Variants in CUBN observed in about 807,000 individuals in gnomAD.
The protein encoded by CUBN is 460 kDa receptor.
CUBN carries 282 observed loss-of-function variants against 405.3 expected under a neutral mutation model. That is an observed-to-expected ratio of 0.70 (90% CI 0.63 to 0.77). The LOEUF (loss-of-function observed/expected upper bound fraction) is 0.77, where lower values mean the gene tolerates loss of function less well. Among genes scored for constraint, CUBN ranks in the 30% least tolerant of loss-of-function variants. The pLI, the probability that CUBN is intolerant of heterozygous loss-of-function variation, is 0.00. For synonymous variants in CUBN, 1,684 were observed against 1,617.0 expected (o/e 1.04, Z -0.99); for missense variants, 4,514 against 4,475.2 (o/e 1.01, Z -0.25).
rs747073348 is a variant in CUBN at position 16,906,350 on chromosome 10, C to T, written c.7765G>A (p.Gly2589Arg). The change falls in exon 50 of 67, where the codon GGA (glycine) becomes AGA (arginine). Residue 2589 changes from glycine to arginine, a missense_variant. Gly to Arg is a moderately radical substitution (Grantham distance 125). Coordinates refer to ENST00000377833, the MANE Select transcript of CUBN (RefSeq NM_001081.4). ...EGNFTSPGYD[G>R]VRNYSRNLNC... ...AGGTTTCTTGAGTAATTCCTGACTC[C>T]GTCATAGCCAGGAGAAGTAAAGTTT... 3.7e-5 allele frequency: 60 copies of T among 1,613,802 alleles called. No homozygotes were observed. Among genetic ancestry groups the T allele is most frequent in the Admixed American group, 6.7e-5 (4 of 59,992 alleles).
In CUBN at chr10:17,099,899, A is replaced by G. The variant is rs1018694234; in HGVS notation, c.1765+106T>C. The stretch of plus-strand genomic sequence containing the variant: ...AAAATAAATTATAAAAATATTATAT[A>G]TCTTCAGATCCCAAAACATCTCATG... On this transcript the variant is annotated intron_variant, in intron 14 of 66. Coordinates refer to ENST00000377833, the MANE Select transcript of CUBN (RefSeq NM_001081.4). 2.1e-5 allele frequency: 13 copies of G among 605,974 alleles called. No homozygotes were observed. The South Asian group carries it at 2.2e-4, about 10-fold the overall frequency. The allele number at this position is 605,974 out of a possible 1,614,324, so 37.5% of individuals were successfully genotyped here.
At chr10:17,129,515 T>G (rs1287555365) in intron 1 of CUBN, 129 bp downstream of exon 1, 3 of 1,237,178 alleles carry the variant, frequency 2.4e-6, no homozygotes, top group East Asian at 4.6e-5. Context: ...GTCTAAATGT[T>G]TTTCCCTGTT....
chr10:16,897,043 TA>T (rs1197905241), intron 54 of CUBN, among the ~76,000 whole-genome samples: 1 of 152,228 alleles, frequency 6.6e-6, no homozygotes, highest in Non-Finnish European at 1.5e-5. Flanking sequence ...TTTTTGCTGA[TA>T]TTTTCTATTT....
At chr10:16,916,099 A>AT in intron 45 of CUBN, 69 bp from the exon 46 acceptor site, 1 of 1,522,848 alleles carries the variant, frequency 6.6e-7, no homozygotes. Flanking sequence ...TCTATTACAA[A>AT]TTTTGTTTTC....
intron 56 of CUBN, among the ~76,000 whole-genome samples, chr10:16,879,915 G>T (rs1438816273): frequency 5.3e-5 from 8 of 152,210 alleles, no homozygotes; most frequent in Non-Finnish European, 8.8e-5. Flanking sequence ...CCACAGGATA[G>T]AAGCCATCTC....
Position 17,088,236 on chromosome 10 carries a change from G to T in CUBN, c.1875C>A (p.Asp625Glu), listed in dbSNP as rs767695434. The T allele has an allele frequency of 7.4e-6, 12 of 1,613,724 alleles. No individual in the cohort carries two copies. The highest frequency in any genetic ancestry group is 1.7e-5 in the Admixed American group (1 of 60,016). The change falls in exon 15 of 67, where the codon GAC becomes GAA. Residue 625 changes from aspartate to glutamate, a missense_variant. By Grantham distance (45) the Asp-to-Glu change is conservative. Around this residue, in one of 5 missense-constraint regions of CUBN, gnomAD observed 1,448 missense variants for 1,388.0 expected, o/e 1.04. Coordinates refer to ENST00000377833, the MANE Select transcript of CUBN (RefSeq NM_001081.4). ...DCVWIVVTSP[D>E]LLVTFTFGTL... ...TCCCAAAAGTAAATGTTACCAGGAGGTCAGGACTAGTTACAACAATCCAGA... is the reference window on the plus strand; with the variant it reads ...TCCCAAAAGTAAATGTTACCAGGAGTTCAGGACTAGTTACAACAATCCAGA...
chr10:16,852,481 C>G (rs556474119), intron 59 of CUBN, among the ~76,000 whole-genome samples: 2 of 151,602 alleles, frequency 1.3e-5, no homozygotes, highest in Non-Finnish European at 2.9e-5. Context: ...CTTTCCCTCC[C>G]TCACTCTATC....
rs143300012 is a variant in CUBN at position 16,831,287 on chromosome 10, C to T, written c.10493G>A (p.Arg3498His). ...RFKSDSVTSDRGYEIIWTSSP... is the reference protein window; with the variant it reads ...RFKSDSVTSDHGYEIIWTSSP... ...TGAAGTCCAGATGATTTCATATCCA[C>T]GATCAGAAGTTACACTATCACTCTT... Residue 3498 changes from arginine to histidine, a missense_variant, in exon 65 of 67, where the codon CGT (arginine) becomes CAT (histidine). Arg to His is a conservative substitution (Grantham distance 29). This residue lies in a region of CUBN where 1,186 missense variants were observed against 1,186.9 expected (regional missense o/e 1.00). Coordinates refer to ENST00000377833, the MANE Select transcript of CUBN (RefSeq NM_001081.4). The T allele has an allele frequency of 1.2e-5, 20 of 1,613,908 alleles. No individual in the cohort carries two copies. The highest frequency in any genetic ancestry group is 2.2e-5 in the East Asian group (1 of 44,884).
rs774967152 is a variant in CUBN at position 17,129,667 on chromosome 10, T to C, written c.99A>G (p.Gln33=). The change falls in exon 1 of 67, where the codon CAA becomes CAG. Residue 33 remains glutamine, a synonymous_variant. Coordinates refer to ENST00000377833, the MANE Select transcript of CUBN (RefSeq NM_001081.4). ...ACTGTTGGAGATTGATGCTTCTTTT[T>C]TGTCTCTGCAGCTCAAGTTCTCCAG... The part of the protein sequence containing the change: ...GEAGELELQR[Q]KRSINLQQPR... 3 of 1,614,208 alleles carry C rather than the reference T, an allele frequency of 1.9e-6. No homozygotes were observed. The highest frequency in any genetic ancestry group is 2.2e-5 in the South Asian group (2 of 91,088).
At chr10:16,937,981 A>T (rs1842563821) in intron 38 of CUBN, among the ~76,000 whole-genome samples, 197 bp from the exon 39 acceptor site, 1 of 152,238 alleles carries the variant, frequency 6.6e-6, no homozygotes, top group Non-Finnish European at 1.5e-5. Flanking sequence ...TAATGTTTTG[A>T]AAACATTTGC....
intron 28 of CUBN, among the ~76,000 whole-genome samples, chr10:17,015,657 C>A (rs1834307548): frequency 6.6e-6 from 1 of 152,140 alleles, no homozygotes; most frequent in Admixed American, 6.5e-5. Flanking sequence ...GGCACTTGCC[C>A]TGGGCACCCT....
At chr10:17,046,574 C>T (rs1170235595) in intron 23 of CUBN, among the ~76,000 whole-genome samples, 3 of 151,930 alleles carry the variant, frequency 2.0e-5, no homozygotes, top group Non-Finnish European at 4.4e-5. Context: ...ACTTCTGGGG[C>T]CTTAATTCTA....
intron 59 of CUBN, among the ~76,000 whole-genome samples, chr10:16,853,504 C>T (rs767237400): frequency 2.0e-5 from 3 of 152,190 alleles, no homozygotes; most frequent in Non-Finnish European, 2.9e-5. Context: ...AGATAGCAAA[C>T]GTGCAGGGTG....
intron 6 of CUBN, among the ~76,000 whole-genome samples, chr10:17,118,273 AT>A (rs1412245092): frequency 1.3e-5 from 2 of 152,164 alleles, no homozygotes; most frequent in African/African-American, 4.8e-5. Context: ...TATTAATCCC[AT>A]TTTACAGACT....
intron 31 of CUBN, among the ~76,000 whole-genome samples, chr10:16,974,932 C>T (rs572416814): frequency 6.6e-6 from 1 of 152,126 alleles, no homozygotes; most frequent in Non-Finnish European, 1.5e-5. Context: ...TGAAAGAATA[C>T]AGTATGTAAT....
chr10:17,011,267 T>G (rs1834171718), intron 28 of CUBN, among the ~76,000 whole-genome samples: 1 of 152,018 alleles, frequency 6.6e-6, no homozygotes, highest in Admixed American at 6.6e-5. Flanking sequence ...TCACAGTGAG[T>G]GTTACAGTTC....
chr10:17,008,498 G>A (rs1403146254), intron 28 of CUBN, among the ~76,000 whole-genome samples: 6 of 150,846 alleles, frequency 4.0e-5, no homozygotes, highest in Non-Finnish European at 7.4e-5. Flanking sequence ...TAGCTCTGCA[G>A]CCACCTTGGC....
chr10:17,004,131 T>TA (rs1390591058), intron 28 of CUBN, among the ~76,000 whole-genome samples: 2 of 152,326 alleles, frequency 1.3e-5, no homozygotes, highest in East Asian at 3.9e-4. Flanking sequence ...TCAAGGGCTC[T>TA]AAAATCTCAC....
intron 26 of CUBN, among the ~76,000 whole-genome samples, chr10:17,042,871 C>G (rs1156696372): frequency 6.6e-6 from 1 of 152,012 alleles, no homozygotes; most frequent in East Asian, 1.9e-4. Flanking sequence ...TTTAATTCCA[C>G]TTTCAGATAA....
Sources: allele counts gnomAD v4.1 joint callset (sites outside exome capture counted in the v4.1 genomes callset), GRCh38; gene constraint gnomAD v4.1.1; regional missense constraint gnomAD v4.1.1; transcripts MANE v1.5; gene names NCBI Gene and HGNC (gene_info 2026-07-23, HGNC 2026-07-21).